Variants in BCKDHB observed in about 807,000 individuals in gnomAD.
BCKDHB encodes branched chain keto acid dehydrogenase E1 subunit beta, also known as 2-oxoisovalerate dehydrogenase subunit beta, mitochondrial.
In BCKDHB, 41 loss-of-function variants were observed where a neutral mutation model predicts 48.5. That is an observed-to-expected ratio of 0.85 (90% CI 0.66 to 1.10). The LOEUF is 1.10. Among genes scored for constraint, BCKDHB ranks in the 50% least tolerant of loss-of-function variants. BCKDHB has a pLI of 0.00. For missense variants in BCKDHB, 496 were observed against 494.2 expected (o/e 1.00, Z -0.03); for synonymous variants, 201 against 174.8 (o/e 1.15, Z -1.18).
At chr6:80,256,839 T>G (rs1777072187) in intron 8 of BCKDHB, among the ~76,000 whole-genome samples, 1 of 152,192 alleles carries the variant, frequency 6.6e-6, no homozygotes, top group Non-Finnish European at 1.5e-5. Context: ...TGAAGTTGTC[T>G]CACAGTATGT....
chr6:80,438,316 A>G, the BCKDHB span, among the ~76,000 whole-genome samples: 2 of 152,188 alleles, frequency 1.3e-5, no homozygotes, highest in Non-Finnish European at 2.9e-5. Context: ...CAAGGATCTC[A>G]TAGCATAGAC....
chr6:80,440,011 G>T, the BCKDHB span, among the ~76,000 whole-genome samples: 1 of 152,176 alleles, frequency 6.6e-6, no homozygotes, highest in Non-Finnish European at 1.5e-5. Context: ...CAATAAAATG[G>T]CCATGTGAAA....
intron 6 of BCKDHB, among the ~76,000 whole-genome samples, chr6:80,191,901 A>G (rs1773913648): frequency 6.6e-6 from 1 of 152,182 alleles, no homozygotes; most frequent in Non-Finnish European, 1.5e-5. Context: ...TCAATTTTTT[A>G]ATGAATTCAT....
At chr6:80,399,151 C>G in the BCKDHB span, among the ~76,000 whole-genome samples, 1 of 152,110 alleles carries the variant, frequency 6.6e-6, no homozygotes. Flanking sequence ...CAACATCATA[C>G]TCAATGGACA....
chr6:80,108,931 A>T lies in BCKDHB; in HGVS notation c.196+2042A>T, dbSNP rs556201534. 3.6e-4 allele frequency among the ~76,000 whole-genome samples: 55 copies of T among 152,356 alleles called. No individual in the cohort carries two copies. In the South Asian group the frequency reaches 0.011, roughly 32 times the overall value. On this transcript the variant is annotated intron_variant, in intron 1 of 9. Transcript: ENST00000320393. ...TAAATATTGCTAACATTTTGGGTGT[A>T]TCCTTACAGGTATTTCCTTTTAGTT...
chr6:80,335,125 T>A (rs1160737021), intron 9 of BCKDHB, among the ~76,000 whole-genome samples: 1 of 151,594 alleles, frequency 6.6e-6, no homozygotes, highest in African/African-American at 2.4e-5. Flanking sequence ...ATATGTTTTC[T>A]GTTTCGTGAG....
chr6:80,374,865 C>T, the BCKDHB span, among the ~76,000 whole-genome samples: 1 of 152,092 alleles, frequency 6.6e-6, no homozygotes, highest in Non-Finnish European at 1.5e-5. Flanking sequence ...ATTCTCCCAG[C>T]ATTTGTTTGT....
At chr6:80,136,921 C>A (rs113821386) in intron 3 of BCKDHB, among the ~76,000 whole-genome samples, 1 of 152,098 alleles carries the variant, frequency 6.6e-6, no homozygotes. Flanking sequence ...AATACCACTT[C>A]GTACTCATTA....
At chr6:80,225,588 G>GAACAATTC (rs1315715706) in intron 8 of BCKDHB, among the ~76,000 whole-genome samples, 6 of 151,960 alleles carry the variant, frequency 3.9e-5, no homozygotes, top group African/African-American at 1.4e-4. Flanking sequence ...TTTGTTTTTT[G>GAACAATTC]AACAATTCCT....
At chr6:80,187,063 A>C (rs1215383024) in intron 6 of BCKDHB, among the ~76,000 whole-genome samples, 1 of 152,102 alleles carries the variant, frequency 6.6e-6, no homozygotes, top group Non-Finnish European at 1.5e-5. Context: ...TTCTTGGAGG[A>C]AAAGTTTACA....
At position 80,232,881 on chromosome 6, in the gene BCKDHB, T is replaced by C. The variant is rs559693249; in HGVS notation, c.951+29669T>C. On this transcript the variant is annotated intron_variant, in intron 8 of 9. Transcript: ENST00000320393. ...AACAGAAATCCAAGACAAAAATTGCTTGAGTCTTTTAATCAAGCCATTATC... is the reference window on the plus strand; with the variant it reads ...AACAGAAATCCAAGACAAAAATTGCCTGAGTCTTTTAATCAAGCCATTATC... Among the ~76,000 whole-genome samples, 5 of 151,996 alleles carry C rather than the reference T, an allele frequency of 3.3e-5. No homozygotes were observed. In the South Asian group the frequency reaches 1.0e-3, roughly 31 times the overall value.
intron 3 of BCKDHB, among the ~76,000 whole-genome samples, chr6:80,147,642 G>A (rs1272525973): frequency 6.6e-6 from 1 of 152,148 alleles, no homozygotes; most frequent in Non-Finnish European, 1.5e-5. Flanking sequence ...CAGGCGTTGT[G>A]ACCTTCGGTG....
At chr6:80,357,313 A>G in the BCKDHB span, among the ~76,000 whole-genome samples, 11 of 152,274 alleles carry the variant, frequency 7.2e-5, no homozygotes, top group African/African-American at 2.6e-4. Context: ...GAGCTGCCAG[A>G]TAAGAGATGC....
the BCKDHB span, among the ~76,000 whole-genome samples, chr6:80,370,816 ATATGTGTG>A: frequency 4.6e-3 from 573 of 125,482 alleles, 7 homozygotes; most frequent in African/African-American, 0.016. Context: ...GTGTATATAT[ATATGTGTG>A]TGTGTGTGTG....
chr6:80,281,027 CGTGT>C (rs70981415), intron 9 of BCKDHB, among the ~76,000 whole-genome samples: 2 of 147,414 alleles, frequency 1.4e-5, no homozygotes, highest in South Asian at 2.3e-4. Flanking sequence ...CAGGTGTATG[CGTGT>C]GTGTGTGTGT....
intron 8 of BCKDHB, among the ~76,000 whole-genome samples, chr6:80,205,921 T>A (rs939443927): frequency 6.6e-6 from 1 of 151,654 alleles, no homozygotes; most frequent in African/African-American, 2.4e-5. Flanking sequence ...TATAGCTGCT[T>A]TTTAGTTGGC....
At chr6:80,176,764 G>A (rs1232409314) in intron 6 of BCKDHB, among the ~76,000 whole-genome samples, 1 of 152,100 alleles carries the variant, frequency 6.6e-6, no homozygotes, top group Non-Finnish European at 1.5e-5. Context: ...AAAACTGTTG[G>A]AAGGAAACAA....
intron 1 of BCKDHB, among the ~76,000 whole-genome samples, chr6:80,117,050 G>A (rs1240372962): frequency 6.6e-6 from 1 of 152,024 alleles, no homozygotes; most frequent in Non-Finnish European, 1.5e-5. Context: ...TTCTTGCCTT[G>A]TCCACAAATC....
At chr6:80,325,241 A>G (rs1768973644) in intron 9 of BCKDHB, among the ~76,000 whole-genome samples, 1 of 152,164 alleles carries the variant, frequency 6.6e-6, no homozygotes, top group African/African-American at 2.4e-5. Flanking sequence ...AGCACATCTT[A>G]CTGACTGATC....
Sources: allele counts gnomAD v4.1 joint callset (sites outside exome capture counted in the v4.1 genomes callset), GRCh38; gene constraint gnomAD v4.1.1; transcripts MANE v1.5; gene names NCBI Gene and HGNC (gene_info 2026-07-23, HGNC 2026-07-21).